CD96: variants seen among roughly 807,000 people sequenced by gnomAD.
CD96 encodes the protein T-cell surface protein tactile.
Under a neutral mutation model 71.3 loss-of-function variants are expected in CD96, and 70 were observed. The observed-to-expected ratio is 0.98, with a 90% CI of 0.81 to 1.20. The LOEUF (loss-of-function observed/expected upper bound fraction) is 1.20, where lower values mean the gene tolerates loss of function less well. Among genes scored for constraint, CD96 ranks in the 50% most tolerant of loss-of-function variants. CD96 has a pLI of 0.00. For synonymous variants in CD96, 248 were observed against 233.0 expected (o/e 1.06, Z -0.59); for missense variants, 742 against 677.5 (o/e 1.10, Z -1.06).
chr3:111,556,797 T>C (rs1935077732), intron 2 of CD96, among the ~76,000 whole-genome samples: 1 of 151,980 alleles, frequency 6.6e-6, no homozygotes. Context: ...TCCATAATGG[T>C]GGAACTAGTT....
At chr3:111,627,241 A>C (rs1938816035) in intron 10 of CD96, among the ~76,000 whole-genome samples, 2 of 152,150 alleles carry the variant, frequency 1.3e-5, no homozygotes, top group African/African-American at 4.8e-5. Context: ...TCTCCTTGGG[A>C]CAGAGTGCCT....
chr3:111,622,122 ACT>A (rs1361935608), intron 8 of CD96, among the ~76,000 whole-genome samples: 2 of 152,040 alleles, frequency 1.3e-5, no homozygotes, highest in Admixed American at 1.3e-4. Context: ...CTACTATCAC[ACT>A]CTGTATTTCT....
At chr3:111,653,242 C>T (rs117004165), downstream of CD96, among the ~76,000 whole-genome samples, 7 of 152,250 alleles carry the variant, frequency 4.6e-5, no homozygotes, top group East Asian at 1.4e-3. Flanking sequence ...CAGTACCACC[C>T]AAGGCTGGTC....
At chr3:111,614,101 A>G (rs1254805151) in intron 8 of CD96, among the ~76,000 whole-genome samples, 1 of 152,236 alleles carries the variant, frequency 6.6e-6, no homozygotes, top group Admixed American at 6.5e-5. Context: ...GACCTGTGTC[A>G]ATAATTAAAA....
intron 3 of CD96, among the ~76,000 whole-genome samples, chr3:111,575,921 A>C (rs1936201193): frequency 6.6e-6 from 1 of 152,232 alleles, no homozygotes; most frequent in African/African-American, 2.4e-5. Context: ...TTAAGTTTCA[A>C]TATGAGTTTT....
chr3:111,652,530 C>A (rs573048618), downstream of CD96, among the ~76,000 whole-genome samples: 4 of 152,172 alleles, frequency 2.6e-5, no homozygotes, highest in East Asian at 5.8e-4. Flanking sequence ...AACATAAATT[C>A]ATGTAATTTA....
Position 111,649,709 on chromosome 3 carries a change from C to T in CD96, c.1613C>T (p.Pro538Leu), listed in dbSNP as rs749180028. 10 of 1,612,032 alleles carry T rather than the reference C, an allele frequency of 6.2e-6. No homozygotes were observed. Among genetic ancestry groups the T allele is most frequent in the Non-Finnish European group, 8.5e-6 (10 of 1,178,068 alleles). ...CQYQKEIMERPPPFKPPPPPI... is the reference protein window; with the variant it reads ...CQYQKEIMERLPPFKPPPPPI... ...TATTTTGTTCCTAGAATGGAAAGAC[C>T]TCCACCTTTCAAGCCACCACCACCT... Residue 538 changes from proline to leucine, a missense_variant, in exon 14 of 14, where the codon CCT (proline) becomes CTT (leucine). Transcript: ENST00000352690.
intron 1 of CD96, among the ~76,000 whole-genome samples, chr3:111,542,634 G>A (rs1934161583): frequency 6.6e-6 from 1 of 152,164 alleles, no homozygotes; most frequent in East Asian, 1.9e-4. Context: ...TCTCCAAATG[G>A]TAGCCAAAAC....
At chr3:111,606,669 T>TTCATTATAAA (rs1937634489) in intron 7 of CD96, 31 bp from the exon 8 acceptor site, 2 of 1,019,884 alleles carry the variant, frequency 2.0e-6, no homozygotes, top group Admixed American at 1.7e-5. Context: ...CAATATTTTG[T>TTCATTATAAA]TCATTATAAA....
In CD96 at chr3:111,544,995, G is replaced by A. The variant is rs188316571; in HGVS notation, c.62-51G>A. On this transcript the variant is annotated intron_variant, in intron 1 of 13. Transcript: ENST00000352690. ...AAGTGACTAGGGTTTTTAATTAAGC[G>A]TCATTCTATGTGAATTATTTAAACT... The A allele has an allele frequency of 7.5e-4, 1,112 of 1,480,812 alleles. 4 individuals carry two copies. In the African/African-American group the frequency reaches 9.1e-3, roughly 12 times the overall value. The allele number at this position is 1,480,812 out of a possible 1,614,324, so 91.7% of individuals were successfully genotyped here.
Position 111,638,088 on chromosome 3 carries a change from T to C in CD96, c.1397T>C (p.Phe466Ser), listed in dbSNP as rs1025243532. ...GAGSTLHDNV[F>S]TSTARAFSEV... ...CCCTTTATATCCCTAGACAATGTCT[T>C]TACCAGCACAGCCAGAGCATTTTCA... The change falls in exon 12 of 14, where the codon TTT (phenylalanine) becomes TCT (serine). Residue 466 changes from phenylalanine to serine, a missense_variant. Transcript: ENST00000352690. 6.2e-7 allele frequency: 1 copy of C among 1,601,338 alleles called. No homozygotes were observed. Among genetic ancestry groups the C allele is most frequent in the South Asian group, 1.1e-5 (1 of 90,800 alleles).
chr3:111,555,799 T>A (rs1446867194), intron 2 of CD96, among the ~76,000 whole-genome samples: 1 of 152,290 alleles, frequency 6.6e-6, no homozygotes, highest in African/African-American at 2.4e-5. Flanking sequence ...AAGAAAGTTT[T>A]TAAATAATCA....
chr3:111,549,205 G>A (rs777828356), intron 2 of CD96, among the ~76,000 whole-genome samples: 6 of 146,690 alleles, frequency 4.1e-5, no homozygotes, highest in South Asian at 2.1e-4. Context: ...CTTTGGAAGC[G>A]CTGCTTCAAC....
Position 111,542,217 on chromosome 3 carries a change from C to T in CD96, c.-32C>T, listed in dbSNP as rs1358171472. 12 of 1,599,310 alleles carry T rather than the reference C, an allele frequency of 7.5e-6. No homozygotes were observed. The highest frequency in any genetic ancestry group is 1.0e-5 in the Non-Finnish European group (12 of 1,166,678). On this transcript the variant is annotated 5_prime_UTR_variant, in exon 1 of 14. Transcript: ENST00000352690. ...ACATCAATTGACTTTGTGATCATTA[C>T]AGAAATGCTGGTGTAAGGTGTTCAG...
intron 5 of CD96, among the ~76,000 whole-genome samples, chr3:111,591,371 TAAAAAAAAAA>T (rs3082283): frequency 1.1e-5 from 1 of 88,108 alleles, no homozygotes; most frequent in African/African-American, 4.6e-5. Context: ...GACTCCATCT[TAAAAAAAAAA>T]AAAAAAAAAA....
At chr3:111,619,296 A>G (rs945533337) in intron 8 of CD96, among the ~76,000 whole-genome samples, 1 of 152,168 alleles carries the variant, frequency 6.6e-6, no homozygotes, top group Non-Finnish European at 1.5e-5. Context: ...ATTTTTAAAG[A>G]GTTAAAATAG....
At chr3:111,561,957 G>A (rs1426731305) in intron 2 of CD96, among the ~76,000 whole-genome samples, 82 of 151,624 alleles carry the variant, frequency 5.4e-4, no homozygotes, top group African/African-American at 1.9e-3. Context: ...ATTCGGGTGG[G>A]AGTGACCCGA....
chr3:111,548,983 G>A (rs567481581), intron 2 of CD96, among the ~76,000 whole-genome samples: 1 of 152,192 alleles, frequency 6.6e-6, no homozygotes, highest in African/African-American at 2.4e-5. Context: ...TCAATAGGAA[G>A]AAGTTGACAT....
intron 1 of CD96, among the ~76,000 whole-genome samples, chr3:111,544,230 C>T (rs555634363): frequency 2.0e-4 from 31 of 152,176 alleles, no homozygotes; most frequent in African/African-American, 4.8e-4. Flanking sequence ...CTGTAATCTC[C>T]GCCTCCCAGG....
Sources: gnomAD v4.1 joint callset for allele counts (sites outside exome capture counted in the v4.1 genomes callset) on GRCh38, gnomAD v4.1.1 for gene constraint, MANE v1.5 for transcripts, NCBI Gene and HGNC (gene_info 2026-07-23, HGNC 2026-07-21) for gene names.